The following SGCD variants were observed in gnomAD, a reference collection of about 807,000 sequenced individuals.
SGCD encodes sarcoglycan delta, also known as delta-sarcoglycan.
SGCD carries 18 observed loss-of-function variants against 36.6 expected under a neutral mutation model. The observed-to-expected ratio is 0.49, with a 90% CI of 0.34 to 0.73. The LOEUF is 0.73. SGCD is among the 30% of genes least tolerant of loss of function. The pLI, the probability that SGCD is intolerant of heterozygous loss-of-function variation, is 0.01. For synonymous variants in SGCD, 133 were observed against 130.6 expected (o/e 1.02, Z -0.12); for missense variants, 387 against 346.7 (o/e 1.12, Z -0.92).
chr5:155,920,279 C>T (rs1171546138), intron 1 of SGCD, among the ~76,000 whole-genome samples: 2 of 152,052 alleles, frequency 1.3e-5, no homozygotes, highest in Non-Finnish European at 2.9e-5. Context: ...ATTGACAATA[C>T]TTATTGAGTA....
chr5:156,277,761 C>T (rs934129388), intron 3 of SGCD, among the ~76,000 whole-genome samples: 1 of 152,126 alleles, frequency 6.6e-6, no homozygotes. Context: ...TAGCCTTTCC[C>T]GTTATGCTTA....
chr5:156,510,264 C>T (rs187386114), intron 4 of SGCD, among the ~76,000 whole-genome samples: 1 of 152,264 alleles, frequency 6.6e-6, no homozygotes, highest in Non-Finnish European at 1.5e-5. Context: ...GTATTGTGAA[C>T]ATATTTACTG....
At chr5:156,007,059 C>T (rs965056869) in intron 1 of SGCD, among the ~76,000 whole-genome samples, 36 of 152,176 alleles carry the variant, frequency 2.4e-4, no homozygotes, top group African/African-American at 8.7e-4. Context: ...CATCAGTAGC[C>T]TCTATTCTAA....
chr5:155,736,303 A>T, the SGCD span, among the ~76,000 whole-genome samples: 1 of 152,184 alleles, frequency 6.6e-6, no homozygotes, highest in Non-Finnish European at 1.5e-5. Context: ...TTACCAAACT[A>T]ACCCAAACTA....
chr5:156,004,081 A>G (rs1758712964), intron 1 of SGCD, among the ~76,000 whole-genome samples: 1 of 152,234 alleles, frequency 6.6e-6, no homozygotes, highest in African/African-American at 2.4e-5. Flanking sequence ...GAAGAAAATT[A>G]AGAAATTCTC....
At chr5:156,585,909 C>T (rs1476254177) in intron 4 of SGCD, among the ~76,000 whole-genome samples, 1 of 152,066 alleles carries the variant, frequency 6.6e-6, no homozygotes, top group Non-Finnish European at 1.5e-5. Flanking sequence ...TACCATAAAA[C>T]TGTGAAGCAA....
chr5:156,419,663 GATTGGTGGCTACC>G (rs1773211617), intron 3 of SGCD, among the ~76,000 whole-genome samples: 3 of 152,078 alleles, frequency 2.0e-5, no homozygotes, highest in African/African-American at 7.2e-5. Flanking sequence ...TGGATGTAGA[GATTGGTGGCTACC>G]ATTTGCAATA....
At chr5:155,802,229 G>C in the SGCD span, among the ~76,000 whole-genome samples, 2 of 152,176 alleles carry the variant, frequency 1.3e-5, no homozygotes, top group African/African-American at 4.8e-5. Context: ...TATCCAAAAA[G>C]AAGACAGAGA....
At chr5:155,905,046 A>T (rs1451911331) in intron 1 of SGCD, among the ~76,000 whole-genome samples, 1 of 152,186 alleles carries the variant, frequency 6.6e-6, no homozygotes, top group South Asian at 2.1e-4. Flanking sequence ...ACATAACAGT[A>T]TCTTCCCTGT....
At chr5:156,655,605 C>T (rs1313389735) in intron 7 of SGCD, among the ~76,000 whole-genome samples, 1 of 152,100 alleles carries the variant, frequency 6.6e-6, no homozygotes, top group African/African-American at 2.4e-5. Flanking sequence ...GCCAAATATC[C>T]ATCTCAAGTA....
chr5:155,903,172 C>G (rs904674993), intron 1 of SGCD, among the ~76,000 whole-genome samples: 2 of 152,180 alleles, frequency 1.3e-5, no homozygotes, highest in African/African-American at 4.8e-5. Flanking sequence ...AACTATTAAG[C>G]TGCTGTGTTT....
intron 1 of SGCD, among the ~76,000 whole-genome samples, chr5:155,946,577 C>T (rs962918659): frequency 1.3e-5 from 2 of 152,006 alleles, no homozygotes; most frequent in Admixed American, 6.6e-5. Context: ...TCTCAATCTT[C>T]CTAGAGATTT....
intron 7 of SGCD, among the ~76,000 whole-genome samples, chr5:156,698,349 G>C (rs1754398612): frequency 6.6e-6 from 1 of 152,150 alleles, no homozygotes; most frequent in African/African-American, 2.4e-5. Flanking sequence ...GATTTCTCTG[G>C]CAACTGCCTC....
intron 6 of SGCD, among the ~76,000 whole-genome samples, chr5:156,634,242 A>T (rs1029712739): frequency 7.1e-6 from 1 of 140,098 alleles, no homozygotes; most frequent in Non-Finnish European, 1.6e-5. Context: ...TAAAACTCCA[A>T]TGCGTCACTG....
At chr5:156,454,543 A>G (rs1385393192) in intron 3 of SGCD, among the ~76,000 whole-genome samples, 1 of 152,150 alleles carries the variant, frequency 6.6e-6, no homozygotes, top group Non-Finnish European at 1.5e-5. Flanking sequence ...TACAGATAGG[A>G]GATGCTCTTC....
At chr5:155,783,921 G>C in the SGCD span, among the ~76,000 whole-genome samples, 6 of 152,184 alleles carry the variant, frequency 3.9e-5, no homozygotes, top group African/African-American at 1.4e-4. Context: ...AGTGGGTTTA[G>C]CATGATTCGT....
intron 3 of SGCD, among the ~76,000 whole-genome samples, chr5:156,172,222 G>A (rs922568272): frequency 6.6e-6 from 1 of 152,198 alleles, no homozygotes; most frequent in Non-Finnish European, 1.5e-5. Flanking sequence ...GGCAGAGGTT[G>A]CAGTGAGCTG....
chr5:156,171,774 G>T (rs964216234), intron 3 of SGCD, among the ~76,000 whole-genome samples: 11 of 152,072 alleles, frequency 7.2e-5, no homozygotes, highest in African/African-American at 2.7e-4. Flanking sequence ...GAATGGTTTG[G>T]GATCTTCTTG....
the SGCD span, among the ~76,000 whole-genome samples, chr5:155,856,889 G>T: frequency 3.3e-5 from 5 of 152,200 alleles, no homozygotes; most frequent in Non-Finnish European, 5.9e-5. Context: ...CTCATACATT[G>T]TTGGTGAGAA....
Sources: allele counts gnomAD v4.1 joint callset (sites outside exome capture counted in the v4.1 genomes callset), GRCh38; gene constraint gnomAD v4.1.1; transcripts MANE v1.5; gene names NCBI Gene and HGNC (gene_info 2026-07-23, HGNC 2026-07-21).